The following DOCK1 variants were observed in gnomAD, a reference collection of about 807,000 sequenced individuals.
DOCK1 encodes dedicator of cytokinesis 1.
A neutral mutation model predicts 262.7 loss-of-function variants in DOCK1; 138 were observed. The observed-to-expected ratio is 0.53, with a 90% CI of 0.46 to 0.61. The LOEUF (loss-of-function observed/expected upper bound fraction) is 0.61. DOCK1 is among the 20% of genes least tolerant of loss of function. DOCK1 has a pLI of 0.00. For synonymous variants in DOCK1, 866 were observed against 867.4 expected (o/e 1.00, Z 0.03); for missense variants, 1,908 against 2,370.7 (o/e 0.80, Z 4.05).
chr10:126,934,209 C>A (rs1026265264), intron 1 of DOCK1, among the ~76,000 whole-genome samples: 4 of 152,094 alleles, frequency 2.6e-5, no homozygotes, highest in Admixed American at 6.5e-5. Flanking sequence ...TATAGTATTT[C>A]TATTGTCTTT....
At chr10:127,422,154 T>C (rs2068549996) in intron 46 of DOCK1, among the ~76,000 whole-genome samples, 2 of 142,742 alleles carry the variant, frequency 1.4e-5, no homozygotes, top group Non-Finnish European at 3.0e-5. Flanking sequence ...GTTATTTTGT[T>C]TGTCTTTTTT....
chr10:127,189,928 T>C (rs938432899), intron 27 of DOCK1, among the ~76,000 whole-genome samples: 1 of 152,220 alleles, frequency 6.6e-6, no homozygotes, highest in Non-Finnish European at 1.5e-5. Flanking sequence ...CGACGTCAAA[T>C]TGAGATGTGA....
chr10:127,271,208 T>C (rs2060555291), intron 29 of DOCK1, among the ~76,000 whole-genome samples: 1 of 152,138 alleles, frequency 6.6e-6, no homozygotes, highest in Non-Finnish European at 1.5e-5. Flanking sequence ...AGAACCTGAA[T>C]GGACTCACCT....
At chr10:126,926,984 G>A (rs147738524) in intron 1 of DOCK1, among the ~76,000 whole-genome samples, 1,566 of 152,266 alleles carry the variant, frequency 0.01, 19 homozygotes, top group Non-Finnish European at 0.015. Context: ...AAATGCAGTT[G>A]AGACACAGGG....
chr10:126,915,430 CGG>C (rs111810265), intron 1 of DOCK1, among the ~76,000 whole-genome samples: 4 of 120,924 alleles, frequency 3.3e-5, no homozygotes, highest in East Asian at 4.6e-4. Flanking sequence ...TTTTTGGGGG[CGG>C]GGGGGGGATG....
At chr10:127,333,609 T>C (rs1022315179) in intron 29 of DOCK1, among the ~76,000 whole-genome samples, 1 of 152,230 alleles carries the variant, frequency 6.6e-6, no homozygotes, top group South Asian at 2.1e-4. Flanking sequence ...GCCCACGCAC[T>C]GCATCCATCC....
intron 44 of DOCK1, among the ~76,000 whole-genome samples, chr10:127,416,880 C>T (rs1037729254): frequency 6.6e-6 from 1 of 150,654 alleles, no homozygotes; most frequent in Non-Finnish European, 1.5e-5. Flanking sequence ...TCCAGGACAC[C>T]GGACAAGGGG....
At chr10:127,131,714 A>G (rs937740796) in intron 27 of DOCK1, among the ~76,000 whole-genome samples, 6 of 152,194 alleles carry the variant, frequency 3.9e-5, no homozygotes, top group Non-Finnish European at 8.8e-5. Flanking sequence ...GATCAAGGCA[A>G]AAAGTATCCC....
At chr10:127,006,213 G>A (rs2041007763) in intron 10 of DOCK1, among the ~76,000 whole-genome samples, 1 of 152,178 alleles carries the variant, frequency 6.6e-6, no homozygotes, top group Non-Finnish European at 1.5e-5. Context: ...CCCCACCAGT[G>A]GGACTGAGCC....
At chr10:127,400,902 G>T (rs2067185836) in intron 38 of DOCK1, among the ~76,000 whole-genome samples, 1 of 152,172 alleles carries the variant, frequency 6.6e-6, no homozygotes, top group African/African-American at 2.4e-5. Flanking sequence ...CAGCTGCCTT[G>T]ATAAAGCTAA....
At chr10:126,963,600 C>T (rs1403643556) in intron 1 of DOCK1, among the ~76,000 whole-genome samples, 1 of 57,504 alleles carries the variant, frequency 1.7e-5, no homozygotes, top group Non-Finnish European at 3.1e-5. Context: ...CTTCCCTTCC[C>T]TTCCCTTCCC....
intron 27 of DOCK1, among the ~76,000 whole-genome samples, chr10:127,220,870 G>A (rs2058408341): frequency 6.6e-6 from 1 of 152,000 alleles, no homozygotes; most frequent in Non-Finnish European, 1.5e-5. Flanking sequence ...CTGTTAAATG[G>A]CCTCCACTTC....
chr10:127,017,035 C>CCCCA (rs1554973819), intron 12 of DOCK1, among the ~76,000 whole-genome samples: 1 of 108,400 alleles, frequency 9.2e-6, no homozygotes, highest in Non-Finnish European at 2.0e-5. Context: ...GATACAGATA[C>CCCCA]CACACACACA....
chr10:127,023,149 A>G, intron 13 of DOCK1, 51 bp from the exon 14 acceptor site: 2 of 1,597,314 alleles, frequency 1.3e-6, no homozygotes, highest in Admixed American at 3.4e-5. Context: ...ATTCACAATT[A>G]CGCTATTAAT....
Position 126,995,456 on chromosome 10 carries a change from C to T in DOCK1, c.474-1292C>T, listed in dbSNP as rs958173543. Among the ~76,000 whole-genome samples, 6 of 152,306 alleles carry T rather than the reference C, an allele frequency of 3.9e-5. No homozygotes were observed. The highest frequency in any genetic ancestry group is 1.9e-4 in the East Asian group (1 of 5,168). On this transcript the variant is annotated intron_variant, in intron 6 of 51. Transcript: ENST00000623213. The surrounding 1 kb of genome is among the most constrained non-coding windows in gnomAD (Gnocchi z 5.8). ...GAGCTGGAGACCAGCCGGGCCAACC[C>T]GGTGAAACCCCGTCTCCATCAAAAA...
chr10:127,265,344 T>C (rs891029770), intron 29 of DOCK1, among the ~76,000 whole-genome samples: 1 of 152,164 alleles, frequency 6.6e-6, no homozygotes. Flanking sequence ...GTTTGTGAGA[T>C]CATGTTGCTA....
At chr10:126,965,540 G>A (rs1343241418) in intron 1 of DOCK1, among the ~76,000 whole-genome samples, 1 of 152,116 alleles carries the variant, frequency 6.6e-6, no homozygotes, top group Non-Finnish European at 1.5e-5. Context: ...GTGTGGAGTG[G>A]TGAGATATCC....
At chr10:127,041,540 G>C (rs1003997587) in intron 19 of DOCK1, among the ~76,000 whole-genome samples, 1 of 152,128 alleles carries the variant, frequency 6.6e-6, no homozygotes, top group Non-Finnish European at 1.5e-5. Flanking sequence ...AAGTTATTTT[G>C]TGAACATATG....
intron 27 of DOCK1, among the ~76,000 whole-genome samples, chr10:127,209,877 C>T (rs961708623): frequency 6.6e-6 from 1 of 152,192 alleles, no homozygotes; most frequent in African/African-American, 2.4e-5. Flanking sequence ...TACGCAGAAT[C>T]TCTCAGCAGA....
Sources: allele counts gnomAD v4.1 joint callset (sites outside exome capture counted in the v4.1 genomes callset), GRCh38; gene constraint gnomAD v4.1.1; non-coding constraint Gnocchi (gnomAD v3.1); transcripts MANE v1.5; gene names NCBI Gene and HGNC (gene_info 2026-07-23, HGNC 2026-07-21).